Variants in SEMA3C observed in about 807,000 individuals in gnomAD.
The protein encoded by SEMA3C is semaphorin-3C.
Under a neutral mutation model 89.4 loss-of-function variants are expected in SEMA3C, and 47 were observed. That is an observed-to-expected ratio of 0.53 (90% confidence interval 0.42 to 0.67). SEMA3C has a LOEUF of 0.67. Ranked by LOEUF, SEMA3C falls within the 30% of genes least tolerant of loss-of-function variation. The pLI is 0.00. For missense variants in SEMA3C, 839 were observed against 929.1 expected (o/e 0.90, Z 1.26); for synonymous variants, 310 against 320.2 (o/e 0.97, Z 0.34).
intron 15 of SEMA3C, among the ~76,000 whole-genome samples, chr7:80,755,007 C>T (rs971569205): frequency 5.9e-5 from 7 of 117,730 alleles, no homozygotes; most frequent in African/African-American, 9.6e-5. Context: ...GCCATGTTGG[C>T]TAGGCTGGTC....
At chr7:80,875,205 C>G (rs1029167525) in intron 2 of SEMA3C, among the ~76,000 whole-genome samples, 2 of 151,956 alleles carry the variant, frequency 1.3e-5, no homozygotes, top group Non-Finnish European at 2.9e-5. Flanking sequence ...TGGATGGTTG[C>G]GTGACAAATA....
chr7:80,873,708 G>T (rs1466868380), intron 2 of SEMA3C, among the ~76,000 whole-genome samples: 2 of 152,144 alleles, frequency 1.3e-5, no homozygotes, highest in Non-Finnish European at 2.9e-5. Flanking sequence ...CTCTAGGAGG[G>T]CCTTTTGTAG....
intron 12 of SEMA3C, among the ~76,000 whole-genome samples, chr7:80,770,191 T>C (rs1436412472): frequency 6.6e-6 from 1 of 152,222 alleles, no homozygotes; most frequent in Admixed American, 6.5e-5. Flanking sequence ...TATGGTTTTC[T>C]GAGTAGTAAG....
chr7:80,793,228 C>T, intron 11 of SEMA3C: 2 of 184,184 alleles, frequency 1.1e-5, no homozygotes, highest in Non-Finnish European at 2.3e-5. Flanking sequence ...ATGCTAGGAA[C>T]AATAAGAATG....
chr7:80,797,220 G>A (rs1041176806), intron 11 of SEMA3C, among the ~76,000 whole-genome samples: 48 of 151,056 alleles, frequency 3.2e-4, no homozygotes, highest in Non-Finnish European at 6.3e-4. Flanking sequence ...ACATCTCTCG[G>A]TGTACTGTCT....
rs527736514 is a variant in SEMA3C at position 80,851,099 on chromosome 7, C to G, written c.104-22354G>C. 2.0e-3 allele frequency among the ~76,000 whole-genome samples: 302 copies of G among 152,294 alleles called. 2 individuals carry two copies. The highest frequency in any genetic ancestry group is 7.0e-3 in the African/African-American group (292 of 41,566). ...CTTCTGTGTCAGTTTCTCAGCCTCT[C>G]TCTTGATAAGTACACTTGTGATTCC... On this transcript the variant is annotated intron_variant, in intron 2 of 17. Transcript: ENST00000265361.
chr7:80,813,490 C>T (rs1298855557), intron 5 of SEMA3C, among the ~76,000 whole-genome samples: 1 of 152,118 alleles, frequency 6.6e-6, no homozygotes. Context: ...AAAGCAAAGC[C>T]CTTAAATGAT....
intron 12 of SEMA3C, among the ~76,000 whole-genome samples, chr7:80,768,688 A>AG (rs1341891016): frequency 6.6e-6 from 1 of 152,170 alleles, no homozygotes; most frequent in African/African-American, 2.4e-5. Context: ...ATTTCTATTA[A>AG]CAACCTATTG....
intron 12 of SEMA3C, among the ~76,000 whole-genome samples, chr7:80,774,102 TTGGAGTTTGAGTCCTGTAAAAC>T (rs1350119029): frequency 1.3e-5 from 2 of 152,194 alleles, no homozygotes; most frequent in African/African-American, 4.8e-5. Context: ...GGGAGAGATT[TTGGAGTTTGAGTCCTGTAAAAC>T]TGGAGTGACA....
In SEMA3C at chr7:80,860,478, G is replaced by A. The variant is rs73374819; in HGVS notation, c.104-31733C>T. ...CCAACTGCACCCCTTAAAACACAGC[G>A]GCAATGTGGTAGAGAAAACTGACTT... On this transcript the variant is annotated intron_variant, in intron 2 of 17. Coordinates refer to ENST00000265361, the MANE Select transcript of SEMA3C (RefSeq NM_006379.5). Among the ~76,000 whole-genome samples the A allele has an allele frequency of 3.6e-3, 551 of 152,204 alleles. 5 individuals carry two copies. Among genetic ancestry groups the A allele is most frequent in the African/African-American group, 0.012 (511 of 41,514 alleles).
intron 2 of SEMA3C, among the ~76,000 whole-genome samples, chr7:80,866,478 A>G (rs566774839): frequency 6.6e-6 from 1 of 152,286 alleles, no homozygotes; most frequent in Non-Finnish European, 1.5e-5. Flanking sequence ...AGCATAAGAC[A>G]GGGCAAAAAA....
At chr7:80,902,796 T>C (rs7779029) in intron 2 of SEMA3C, among the ~76,000 whole-genome samples, 21,246 of 152,134 alleles carry the variant, frequency 0.14, 2,681 homozygotes, top group African/African-American at 0.33. Context: ...TAGAGGCCCA[T>C]GGGTATTTAC....
At chr7:80,808,229 T>C (rs1789386039) in intron 6 of SEMA3C, among the ~76,000 whole-genome samples, 1 of 152,200 alleles carries the variant, frequency 6.6e-6, no homozygotes, top group Non-Finnish European at 1.5e-5. Context: ...TTCAATGAGA[T>C]AAAACTCCAG....
chr7:80,823,827 G>A (rs1034428474), intron 4 of SEMA3C, among the ~76,000 whole-genome samples: 4 of 152,014 alleles, frequency 2.6e-5, no homozygotes, highest in Admixed American at 2.6e-4. Flanking sequence ...TTGACAGCAT[G>A]TGCTATTGTT....
upstream of SEMA3C, chr7:80,919,140 C>G (rs1003461257): frequency 1.0e-6 from 1 of 984,486 alleles, no homozygotes; most frequent in African/African-American, 1.7e-5. Context: ...CCCGGCGCGC[C>G]GCCCTGCAGG....
chr7:80,798,068 A>G (rs1448050611), intron 11 of SEMA3C, 24 bp downstream of exon 11: 1 of 1,585,070 alleles, frequency 6.3e-7, no homozygotes, highest in African/African-American at 1.4e-5. Context: ...GCATCATAAC[A>G]AAGAATTTTC....
chr7:80,786,588 T>C (rs1456634324), intron 12 of SEMA3C, among the ~76,000 whole-genome samples: 2 of 152,196 alleles, frequency 1.3e-5, no homozygotes, highest in Admixed American at 6.5e-5. Context: ...CTAAGTTGAA[T>C]GATCTGAGCT....
At chr7:80,808,570 A>C (rs1214565404) in intron 6 of SEMA3C, among the ~76,000 whole-genome samples, 1 of 152,168 alleles carries the variant, frequency 6.6e-6, no homozygotes, top group Non-Finnish European at 1.5e-5. Flanking sequence ...TACCTGTCTT[A>C]ATGTAATTTC....
At chr7:80,820,084 G>A (rs1250377914) in intron 4 of SEMA3C, among the ~76,000 whole-genome samples, 2 of 138,850 alleles carry the variant, frequency 1.4e-5, no homozygotes, top group African/African-American at 5.4e-5. Flanking sequence ...TAGAGACAGA[G>A]TCTTGCTCTG....
Sources: gnomAD v4.1 joint callset for allele counts (sites outside exome capture counted in the v4.1 genomes callset) on GRCh38, gnomAD v4.1.1 for gene constraint, MANE v1.5 for transcripts, NCBI Gene and HGNC (gene_info 2026-07-23, HGNC 2026-07-21) for gene names.